Variants in LRRC3 observed in about 807,000 individuals in gnomAD.
LRRC3 encodes the protein leucine-rich repeat-containing protein 3.
For missense variants in LRRC3, 351 were observed against 361.6 expected (o/e 0.97, Z 0.24); for synonymous variants, 172 against 164.1 (o/e 1.05, Z -0.37).
Position 44,460,612 on chromosome 21 carries a change from C to T in LRRC3, c.*3194C>T, listed in dbSNP as rs1216261502. ...AGGAAATTGGGGGTATTCTGTGACT[C>T]CTGGGCCACCGGGGAGCCAGAATCT... On this transcript the variant is annotated 3_prime_UTR_variant, in exon 2 of 2. Coordinates refer to ENST00000291592, the MANE Select transcript of LRRC3 (RefSeq NM_030891.6). The T allele has an allele frequency of 6.6e-6, 1 of 152,006 alleles. No homozygotes were observed. Among genetic ancestry groups the T allele is most frequent in the Admixed American group, 6.6e-5 (1 of 15,266 alleles). The allele number at this position is 152,006 out of a possible 1,614,324, so 9.4% of individuals were successfully genotyped here. A position where few individuals can be genotyped will look rare whatever the true frequency, so the allele number is the denominator to read the frequency against.
chr21:44,457,690 G>A lies in LRRC3; in HGVS notation c.*272G>A, dbSNP rs998347051. ...GGAACTTCAACCCGGGCTGTCCATC[G>A]TGACATTCCGCCTCCTTCCACCATG... is the stretch of plus-strand genomic sequence containing the variant. On this transcript the variant is annotated 3_prime_UTR_variant, in exon 2 of 2. Coordinates refer to ENST00000291592, the MANE Select transcript of LRRC3 (RefSeq NM_030891.6). 7 of 483,374 alleles carry A rather than the reference G, an allele frequency of 1.4e-5. No individual in the cohort carries two copies. The highest frequency in any genetic ancestry group is 1.2e-4 in the South Asian group (4 of 34,406). 29.9% of individuals were successfully genotyped at this position (483,374 alleles called of 1,614,324 possible).
chr21:44,456,065 C>A (rs2146448397), intron 1 of LRRC3, among the ~76,000 whole-genome samples: 1 of 152,306 alleles, frequency 6.6e-6, no homozygotes, highest in East Asian at 1.9e-4. Context: ...CCCGCTGGTG[C>A]CCGGCCACGT....
In LRRC3 at chr21:44,455,642, C is replaced by A. The variant is rs1205192754; in HGVS notation, c.-161C>A. 6.6e-6 allele frequency: 1 copy of A among 151,746 alleles called. No individual in the cohort carries two copies. The highest frequency in any genetic ancestry group is 1.5e-5 in the Non-Finnish European group (1 of 67,946). The allele number at this position is 151,746 out of a possible 1,614,324, so 9.4% of individuals were successfully genotyped here. A position where few individuals can be genotyped will look rare whatever the true frequency, so the allele number is the denominator to read the frequency against. Reference sequence around the variant, plus strand: ...GAGCGGCGCGCAGAGCAGCCTCCGGCCGCCGCCGCGCAGGTAAAGCCCCCG... The same window carrying A: ...GAGCGGCGCGCAGAGCAGCCTCCGGACGCCGCCGCGCAGGTAAAGCCCCCG... On this transcript the variant is annotated 5_prime_UTR_variant, in exon 1 of 2. Transcript: ENST00000291592.
rs766973954 is a variant in LRRC3, at chr21:44,457,094, G to C, written c.450G>C (p.Glu150Asp). ...IRLSHNPLHC[E>D]CALQEALWEL... ...TGTCCCACAACCCCCTGCACTGCGA[G>C]TGCGCCCTGCAGGAGGCCCTGTGGG... The change falls in exon 2 of 2, where the codon GAG becomes GAC. Residue 150 changes from glutamate (E) to aspartate (D), a missense_variant. Physicochemically the swap from Glu to Asp is conservative, Grantham distance 45 (BLOSUM62 2). Transcript: ENST00000291592. 10 of 1,610,982 alleles carry C rather than the reference G, an allele frequency of 6.2e-6. No individual in the cohort carries two copies. Among genetic ancestry groups the C allele is most frequent in the Non-Finnish European group, 8.5e-6 (10 of 1,179,978 alleles).
At position 44,456,965 on chromosome 21, in the gene LRRC3, C is replaced by T. The variant is rs2051707630; in HGVS notation, c.321C>T (p.Thr107=). 1 of 1,607,970 alleles carries T rather than the reference C, an allele frequency of 6.2e-7. No homozygotes were observed. The highest frequency in any genetic ancestry group is 8.5e-7 in the Non-Finnish European group (1 of 1,179,890). Residue 107 remains threonine (T), a synonymous_variant, in exon 2 of 2, where the codon ACC becomes ACT. Coordinates refer to ENST00000291592, the MANE Select transcript of LRRC3 (RefSeq NM_030891.6). The part of the protein sequence containing the change: ...HNAIEAIGSA[T]FAGLAGGLRL... ...CCATCGAGGCCATCGGCTCCGCCAC[C>T]TTCGCGGGCCTGGCCGGGGGCCTGC... is the stretch of plus-strand genomic sequence containing the variant.
chr21:44,456,314 C>T (rs2051699150), intron 1 of LRRC3, among the ~76,000 whole-genome samples, 184 bp from the exon 2 acceptor site: 1 of 152,192 alleles, frequency 6.6e-6, no homozygotes, highest in South Asian at 2.1e-4. Flanking sequence ...CTCCCGGGCG[C>T]ATTGGGAGTC....
At position 44,456,837 on chromosome 21, in the gene LRRC3, A is replaced by ACGAGG; in HGVS notation, c.193_194insCGAGG (p.Asn65ThrfsTer7). ...GGAGGTCCCCGAGGACATCCCGGCC[A>ACGAGG]ACACCGTGCTCCTGAAGCTCGATGC... is the stretch of plus-strand genomic sequence containing the variant. On this transcript the variant is annotated frameshift_variant, in exon 2 of 2. Coordinates refer to ENST00000291592, the MANE Select transcript of LRRC3 (RefSeq NM_030891.6). LOFTEE classifies it low-confidence loss of function (END_TRUNC). 6.2e-7 allele frequency: 1 copy of ACGAGG among 1,611,590 alleles called. No homozygotes were observed. The highest frequency in any genetic ancestry group is 1.1e-5 in the South Asian group (1 of 91,006).
At position 44,457,409 on chromosome 21, in the gene LRRC3, G is replaced by T. The variant is rs370611795; in HGVS notation, c.765G>T (p.Pro255=). Residue 255 remains proline (P), a synonymous_variant, in exon 2 of 2, where the codon CCG becomes CCT. Transcript: ENST00000291592. ...CCGCCTCCAAGGACCCCATCGGCCC[G>T]GGGCCCTAGCGCCTGTTCCGGCAGA... The part of the protein sequence containing the change: ...SAPASKDPIG[P]GP 6 of 1,583,358 alleles carry T rather than the reference G, an allele frequency of 3.8e-6. No homozygotes were observed. The highest frequency in any genetic ancestry group is 1.7e-5 in the Admixed American group (1 of 58,204).
chr21:44,457,652 A>G lies in LRRC3; in HGVS notation c.*234A>G, dbSNP rs1018500551. ...GACTGCCCGTGACGATACCATCAGG[A>G]AATTATCCCAGTGGAACTTCAACCC... On this transcript the variant is annotated 3_prime_UTR_variant, in exon 2 of 2. Transcript: ENST00000291592. The G allele has an allele frequency of 1.4e-5, 8 of 558,288 alleles. No individual in the cohort carries two copies. The highest frequency in any genetic ancestry group is 1.1e-4 in the Admixed American group (3 of 28,074). The allele number at this position is 558,288 out of a possible 1,614,324, so 34.6% of individuals were successfully genotyped here.
rs761382785 is a variant in LRRC3 at position 44,456,843 on chromosome 21, G to C, written c.199G>C (p.Val67Leu). ...EVPEDIPANT[V>L]LLKLDANKIS... ...CCCCGAGGACATCCCGGCCAACACC[G>C]TGCTCCTGAAGCTCGATGCCAACAA... Residue 67 changes from valine (V) to leucine (L), a missense_variant, in exon 2 of 2, where the codon GTG becomes CTG. Transcript: ENST00000291592. 2 of 1,611,312 alleles carry C rather than the reference G, an allele frequency of 1.2e-6. No homozygotes were observed. Among genetic ancestry groups the C allele is most frequent in the Admixed American group, 3.3e-5 (2 of 59,948 alleles).
chr21:44,456,762 C>CCTT lies in LRRC3; in HGVS notation c.120_121insTCT (p.Pro40_Asp41insSer). ...CGCCTGCCCACAGCCCTGCCGGTGC[C>CCTT]CTGACCACGCAGGGGCTGTGGCTGT... On this transcript the variant is annotated inframe_insertion, in exon 2 of 2. Coordinates refer to ENST00000291592, the MANE Select transcript of LRRC3 (RefSeq NM_030891.6). The CCTT allele has an allele frequency of 1.2e-6, 2 of 1,610,682 alleles. No homozygotes were observed. Among genetic ancestry groups the CCTT allele is most frequent in the Non-Finnish European group, 1.7e-6 (2 of 1,179,886 alleles).
Position 44,460,743 on chromosome 21 carries a change from A to G in LRRC3, c.*3325A>G, listed in dbSNP as rs975294594. ...TCATGGGAGGCAGAGCCTGAACCCC[A>G]ACCCAACCCTAACTCTAATGCTAAC... On this transcript the variant is annotated 3_prime_UTR_variant, in exon 2 of 2. Coordinates refer to ENST00000291592, the MANE Select transcript of LRRC3 (RefSeq NM_030891.6). 1.3e-5 allele frequency: 2 copies of G among 152,114 alleles called. No homozygotes were observed. Among genetic ancestry groups the G allele is most frequent in the Non-Finnish European group, 1.5e-5 (1 of 68,064 alleles). The allele number at this position is 152,114 out of a possible 1,614,324, so 9.4% of individuals were successfully genotyped here. A position where few individuals can be genotyped will look rare whatever the true frequency, so the allele number is the denominator to read the frequency against.
At position 44,458,381 on chromosome 21, in the gene LRRC3, C is replaced by G. The variant is rs2051722224; in HGVS notation, c.*963C>G. The G allele has an allele frequency of 6.1e-6, 1 of 164,144 alleles. No homozygotes were observed. Among genetic ancestry groups the G allele is most frequent in the Non-Finnish European group, 1.5e-5 (1 of 68,186 alleles). The allele number at this position is 164,144 out of a possible 1,614,324, so 10.2% of individuals were successfully genotyped here. A position where few individuals can be genotyped will look rare whatever the true frequency, so the allele number is the denominator to read the frequency against. On this transcript the variant is annotated 3_prime_UTR_variant, in exon 2 of 2. Transcript: ENST00000291592. ...GTTTCACCATGTTGGCCAGGCTGGT[C>G]TCGAACTGTTGGCCTCAAGTGATCC...
Position 44,457,527 on chromosome 21 carries a change from C to A in LRRC3, c.*109C>A. 1 of 1,275,110 alleles carries A rather than the reference C, an allele frequency of 7.8e-7. No homozygotes were observed. Among genetic ancestry groups the A allele is most frequent in the Non-Finnish European group, 1.1e-6 (1 of 934,456 alleles). 79.0% of individuals were successfully genotyped at this position (1,275,110 alleles called of 1,614,324 possible). On this transcript the variant is annotated 3_prime_UTR_variant, in exon 2 of 2. Transcript: ENST00000291592. ...GGCAGGTGTCACAGCCATGTGTGCT[C>A]CCCACTGTTGCACTCAGGCACAGCA...
chr21:44,456,136 G>GTCCA (rs1169202934), intron 1 of LRRC3, among the ~76,000 whole-genome samples: 1 of 152,078 alleles, frequency 6.6e-6, no homozygotes, highest in East Asian at 1.9e-4. Flanking sequence ...TCCTCCTGGC[G>GTCCA]TCCACCCTGA....
intron 1 of LRRC3, among the ~76,000 whole-genome samples, chr21:44,455,939 C>T (rs2051695829): frequency 6.6e-6 from 1 of 152,080 alleles, no homozygotes; most frequent in South Asian, 2.1e-4. Flanking sequence ...GTGCCCGGTG[C>T]GAGCCGCGGC....
chr21:44,456,364 T>A (rs2051699569), intron 1 of LRRC3, 134 bp from the exon 2 acceptor site: 1 of 462,588 alleles, frequency 2.2e-6, no homozygotes, highest in East Asian at 3.6e-5. Flanking sequence ...TAAGGAGGCG[T>A]GCTCCCCACC....
chr21:44,455,790 C>T (rs1361358876), intron 1 of LRRC3, 135 bp downstream of exon 1: 1 of 152,038 alleles, frequency 6.6e-6, no homozygotes, highest in African/African-American at 2.4e-5. Flanking sequence ...GCTGGAGGTC[C>T]TGGGGGTCCG....
In LRRC3 at chr21:44,459,173, T is replaced by C. The variant is rs1219550167; in HGVS notation, c.*1755T>C. On this transcript the variant is annotated 3_prime_UTR_variant, in exon 2 of 2. Coordinates refer to ENST00000291592, the MANE Select transcript of LRRC3 (RefSeq NM_030891.6). ...CTGGCAGCGCCACTCACCCTTCCAG[T>C]GAGAGCTAGAACCAAGTGCCAGCCC... 6.6e-6 allele frequency: 1 copy of C among 152,224 alleles called. No individual in the cohort carries two copies. Among genetic ancestry groups the C allele is most frequent in the African/African-American group, 2.4e-5 (1 of 41,456 alleles). The allele number at this position is 152,224 out of a possible 1,614,324, so 9.4% of individuals were successfully genotyped here.
Sources: allele counts gnomAD v4.1 joint callset (sites outside exome capture counted in the v4.1 genomes callset), GRCh38; gene constraint gnomAD v4.1.1; transcripts MANE v1.5; gene names NCBI Gene and HGNC (gene_info 2026-07-23, HGNC 2026-07-21).